SH3GLB1: variants seen among roughly 807,000 people sequenced by gnomAD.
SH3GLB1 encodes SH3 domain containing GRB2 like, endophilin B1.
SH3GLB1 carries 17 observed loss-of-function variants against 42.0 expected under a neutral mutation model. The ratio of observed to expected loss-of-function variants is 0.40; its 90% confidence interval spans 0.28 to 0.61. The LOEUF (loss-of-function observed/expected upper bound fraction) is 0.61. SH3GLB1 is among the 20% of genes least tolerant of loss of function. The probability of loss-of-function intolerance (pLI) is 0.36; values close to 1 mark genes in which losing one functional copy is unlikely to be tolerated. For synonymous variants in SH3GLB1, 132 were observed against 146.6 expected (o/e 0.90, Z 0.72); for missense variants, 355 against 426.3 (o/e 0.83, Z 1.47).
intron 7 of SH3GLB1, among the ~76,000 whole-genome samples, chr1:86,740,562 C>T (rs554699058): frequency 1.3e-5 from 2 of 152,070 alleles, no homozygotes; most frequent in African/African-American, 4.8e-5. Flanking sequence ...GGATCATAGA[C>T]CCTGGTAGGC....
At chr1:86,715,565 A>T (rs1654472671) in intron 1 of SH3GLB1, among the ~76,000 whole-genome samples, 159 bp from the exon 2 acceptor site, 1 of 152,214 alleles carries the variant, frequency 6.6e-6, no homozygotes, top group African/African-American at 2.4e-5. Context: ...TTACCATAGG[A>T]GCAAAAAAAA....
chr1:86,723,727 A>G (rs746616621), intron 4 of SH3GLB1, among the ~76,000 whole-genome samples: 3 of 152,162 alleles, frequency 2.0e-5, no homozygotes, highest in Non-Finnish European at 2.9e-5. Flanking sequence ...GTTGGGTTGC[A>G]TTTGGTGCTA....
chr1:86,709,763 T>C (rs1361659207), intron 1 of SH3GLB1, among the ~76,000 whole-genome samples: 1 of 152,250 alleles, frequency 6.6e-6, no homozygotes, highest in Admixed American at 6.5e-5. Context: ...AGTCATACTA[T>C]GAAATTCGTG....
chr1:86,736,414 T>C (rs1031522692), intron 7 of SH3GLB1, among the ~76,000 whole-genome samples: 2 of 152,238 alleles, frequency 1.3e-5, no homozygotes, highest in African/African-American at 4.8e-5. Flanking sequence ...CAAAAATGAA[T>C]GGTAGCCTAA....
rs369433528 is a variant in SH3GLB1, at chr1:86,718,679, T to C, written c.215-828T>C. Among the ~76,000 whole-genome samples the C allele has an allele frequency of 3.1e-3, 466 of 152,344 alleles. 3 individuals carry two copies. The highest frequency in any genetic ancestry group is 0.027 in the Middle Eastern group (8 of 294). On this transcript the variant is annotated intron_variant, in intron 2 of 8. Transcript: ENST00000370558. ...CTTCAATTTATGCTTAATCGTTGTT[T>C]CTGGAAACTTAAGCCATTTTTTCAC...
intron 2 of SH3GLB1, among the ~76,000 whole-genome samples, chr1:86,716,845 T>G (rs941286617): frequency 6.6e-6 from 1 of 152,176 alleles, no homozygotes; most frequent in African/African-American, 2.4e-5. Context: ...AATGTATGCT[T>G]TCCTTCTTTT....
At chr1:86,728,436 A>G (rs1357644791) in intron 5 of SH3GLB1, 2 of 1,560,092 alleles carry the variant, frequency 1.3e-6, no homozygotes, top group Admixed American at 1.9e-5. Context: ...AGGAGATAAC[A>G]TTATGGTAAA....
intron 1 of SH3GLB1, 65 bp downstream of exon 1, chr1:86,705,036 C>G (rs1210085682): frequency 9.0e-6 from 10 of 1,106,912 alleles, no homozygotes; most frequent in East Asian, 3.1e-5. Flanking sequence ...GGGACCGCAG[C>G]TCGACGCGGC....
rs1656212123 is a variant in SH3GLB1, at chr1:86,744,617, A to G, written c.*1382A>G. ...TCTGACAACTAAAGCAATTTACTCTAACTTAAGCATGAAGTACAAAAGTAT... is the reference window on the plus strand; with the variant it reads ...TCTGACAACTAAAGCAATTTACTCTGACTTAAGCATGAAGTACAAAAGTAT... On this transcript the variant is annotated 3_prime_UTR_variant, in exon 9 of 9. Coordinates refer to ENST00000370558, the MANE Select transcript of SH3GLB1 (RefSeq NM_016009.5). The G allele has an allele frequency of 6.6e-6, 1 of 152,176 alleles. No individual in the cohort carries two copies. Among genetic ancestry groups the G allele is most frequent in the African/African-American group, 2.4e-5 (1 of 41,448 alleles). 9.4% of individuals were successfully genotyped at this position (152,176 alleles called of 1,614,324 possible).
Position 86,747,709 on chromosome 1 carries a change from C to T in SH3GLB1, c.*4474C>T, listed in dbSNP as rs1049292986. On this transcript the variant is annotated 3_prime_UTR_variant, in exon 9 of 9. Transcript: ENST00000370558. ...CAACACAGTGCCTTTTAATTGGTGA[C>T]TAACATCAAAACACCTTGACAAACC... 3.9e-5 allele frequency: 6 copies of T among 152,214 alleles called. No homozygotes were observed. The highest frequency in any genetic ancestry group is 1.4e-4 in the African/African-American group (6 of 41,444). 9.4% of individuals were successfully genotyped at this position (152,214 alleles called of 1,614,324 possible).
chr1:86,724,177 T>C (rs1655027026), intron 4 of SH3GLB1, 136 bp from the exon 5 acceptor site: 1 of 559,662 alleles, frequency 1.8e-6, no homozygotes. Flanking sequence ...GAATGGTAAC[T>C]TTATAGCCAA....
intron 3 of SH3GLB1, among the ~76,000 whole-genome samples, chr1:86,722,321 C>T (rs1035007302): frequency 6.6e-6 from 1 of 152,092 alleles, no homozygotes; most frequent in Non-Finnish European, 1.5e-5. Context: ...ATCTATGCTA[C>T]AATAGGAAGT....
At chr1:86,707,695 C>T (rs1372755120) in intron 1 of SH3GLB1, among the ~76,000 whole-genome samples, 2 of 137,232 alleles carry the variant, frequency 1.5e-5, no homozygotes, top group Non-Finnish European at 3.0e-5. Context: ...GTTGCCCAGG[C>T]TGGAGTGCAA....
chr1:86,728,355 T>C (rs746625853), intron 5 of SH3GLB1: 28 of 891,226 alleles, frequency 3.1e-5, no homozygotes, highest in Non-Finnish European at 4.7e-5. Flanking sequence ...TTTGTTTCAC[T>C]GTGTTCATTG....
intron 1 of SH3GLB1, among the ~76,000 whole-genome samples, chr1:86,706,054 T>C (rs537164707): frequency 5.7e-4 from 87 of 152,336 alleles, no homozygotes; most frequent in African/African-American, 2.0e-3. Context: ...CTGCCTATAT[T>C]ATGAAAAACC....
At chr1:86,716,196 G>A (rs528573032) in intron 2 of SH3GLB1, among the ~76,000 whole-genome samples, 3 of 152,076 alleles carry the variant, frequency 2.0e-5, no homozygotes, top group Non-Finnish European at 4.4e-5. Context: ...AGATAATTAA[G>A]ACAAAGTTAT....
chr1:86,728,420 C>A, intron 5 of SH3GLB1: 1 of 1,560,034 alleles, frequency 6.4e-7, no homozygotes, highest in Non-Finnish European at 8.7e-7. Context: ...ACTCAGCTCG[C>A]CTTGAAGGAG....
chr1:86,742,534 G>T, intron 8 of SH3GLB1, 98 bp downstream of exon 8: 2 of 778,228 alleles, frequency 2.6e-6, no homozygotes, highest in Non-Finnish European at 4.2e-6. Context: ...ATTTGGAAAT[G>T]GTTTCATAGA....
intron 6 of SH3GLB1, 68 bp downstream of exon 6, chr1:86,734,759 G>A: frequency 8.7e-7 from 1 of 1,145,694 alleles, no homozygotes; most frequent in Non-Finnish European, 1.3e-6. Context: ...ATTTTGGGAG[G>A]AAAAACTGAA....
Sources: gnomAD v4.1 joint callset for allele counts (sites outside exome capture counted in the v4.1 genomes callset) on GRCh38, gnomAD v4.1.1 for gene constraint, MANE v1.5 for transcripts, NCBI Gene and HGNC (gene_info 2026-07-23, HGNC 2026-07-21) for gene names.